The following CBY1 variants were observed in gnomAD, a reference collection of about 807,000 sequenced individuals.
CBY1 encodes the protein chibby 1, beta catenin antagonist.
Under a neutral mutation model 15.6 loss-of-function variants are expected in CBY1, and 10 were observed. The ratio of observed to expected loss-of-function variants is 0.64; its 90% CI spans 0.40 to 1.09. The LOEUF is 1.09. Among genes scored for constraint, CBY1 ranks in the 50% least tolerant of loss-of-function variants. The pLI is 0.01. For synonymous variants in CBY1, 61 were observed against 63.5 expected (o/e 0.96, Z 0.19); for missense variants, 150 against 160.5 (o/e 0.93, Z 0.35).
chr22:38,658,594 G>A (rs998537622), intron 1 of CBY1, among the ~76,000 whole-genome samples: 7 of 152,036 alleles, frequency 4.6e-5, no homozygotes, highest in Admixed American at 3.3e-4. Flanking sequence ...CTGAGTAGCT[G>A]GGACTACGAA....
chr22:38,665,618 C>T (rs563200903), intron 1 of CBY1: 32 of 542,248 alleles, frequency 5.9e-5, no homozygotes, highest in African/African-American at 1.9e-4. Context: ...AGAAACATGA[C>T]GTTGAGTGTG....
At chr22:38,668,326 C>T in intron 2 of CBY1, 194 bp downstream of exon 2, 1 of 530,060 alleles carries the variant, frequency 1.9e-6, no homozygotes, top group Admixed American at 3.5e-5. Context: ...ATCCAAGAAC[C>T]TAAGAAGACA....
intron 1 of CBY1, among the ~76,000 whole-genome samples, chr22:38,667,017 T>TA (rs35907163): frequency 0.29 from 43,486 of 150,502 alleles, 6,298 homozygotes; most frequent in East Asian, 0.35. Flanking sequence ...TTTCTTTATT[T>TA]TTTTTTTTTT....
At chr22:38,671,402 T>C (rs968564015) in intron 4 of CBY1, 16 of 558,802 alleles carry the variant, frequency 2.9e-5, no homozygotes, top group Non-Finnish European at 4.5e-5. Flanking sequence ...AAGGACCCAG[T>C]TGGAGTCTGC....
chr22:38,657,936 T>A (rs550866325), intron 1 of CBY1, among the ~76,000 whole-genome samples: 1 of 152,322 alleles, frequency 6.6e-6, no homozygotes, highest in African/African-American at 2.4e-5. Context: ...TATATTCTCA[T>A]TGTAATAATT....
chr22:38,663,423 C>T (rs569376142), intron 1 of CBY1, among the ~76,000 whole-genome samples: 10 of 151,498 alleles, frequency 6.6e-5, no homozygotes, highest in Non-Finnish European at 8.8e-5. Context: ...AGGCCGGACG[C>T]GGTGGCCCAC....
intron 1 of CBY1, chr22:38,665,746 A>G: frequency 8.2e-7 from 1 of 1,225,204 alleles, no homozygotes; most frequent in Non-Finnish European, 1.0e-6. Flanking sequence ...TTTTAAAAAA[A>G]TGTTTTGAGC....
chr22:38,663,990 C>A (rs1301225137), intron 1 of CBY1, among the ~76,000 whole-genome samples: 1 of 150,812 alleles, frequency 6.6e-6, no homozygotes, highest in African/African-American at 2.4e-5. Context: ...CCACTGCACT[C>A]CAGCCTGGGT....
intron 1 of CBY1, among the ~76,000 whole-genome samples, chr22:38,666,196 TG>T (rs972843799): frequency 7.0e-6 from 1 of 143,472 alleles, no homozygotes; most frequent in Admixed American, 7.1e-5. Context: ...TTATGATTTG[TG>T]GTAGACTTTT....
At chr22:38,666,130 G>A (rs918154181) in intron 1 of CBY1, among the ~76,000 whole-genome samples, 4 of 146,062 alleles carry the variant, frequency 2.7e-5, no homozygotes, top group Admixed American at 6.8e-5. Flanking sequence ...AAACCACCAC[G>A]CCTGGCCCTG....
At chr22:38,658,615 T>C (rs2092412644) in intron 1 of CBY1, among the ~76,000 whole-genome samples, 1 of 151,874 alleles carries the variant, frequency 6.6e-6, no homozygotes, top group East Asian at 1.9e-4. Flanking sequence ...TAGATGGGAC[T>C]ACAGGCTCCT....
chr22:38,659,396 G>A (rs1017778980), intron 1 of CBY1, among the ~76,000 whole-genome samples: 28 of 151,598 alleles, frequency 1.8e-4, no homozygotes, highest in African/African-American at 6.8e-4. Flanking sequence ...TTACAGGCGT[G>A]TGCCACCACA....
chr22:38,673,831 T>A lies in CBY1; in HGVS notation c.*595T>A, dbSNP rs530350272. 1 of 152,514 alleles carries A rather than the reference T, an allele frequency of 6.6e-6. No homozygotes were observed. The highest frequency in any genetic ancestry group is 2.4e-5 in the African/African-American group (1 of 41,570). 9.4% of individuals were successfully genotyped at this position (152,514 alleles called of 1,614,324 possible). ...TTTCCTGTTTGCACTACTACTTTTT[T>A]ATTAAACGATGTTAAATAATCTCTC... On this transcript the variant is annotated 3_prime_UTR_variant, in exon 5 of 5. Coordinates refer to ENST00000216029, the MANE Select transcript of CBY1 (RefSeq NM_015373.4).
chr22:38,657,492 A>G (rs1028740350), intron 1 of CBY1, among the ~76,000 whole-genome samples: 1 of 152,254 alleles, frequency 6.6e-6, no homozygotes, highest in African/African-American at 2.4e-5. Flanking sequence ...ACTAGAAAGA[A>G]GGTTGCCATG....
At chr22:38,657,678 G>T (rs1276692708) in intron 1 of CBY1, among the ~76,000 whole-genome samples, 1 of 152,208 alleles carries the variant, frequency 6.6e-6, no homozygotes, top group Non-Finnish European at 1.5e-5. Flanking sequence ...AATTAGTGCG[G>T]TCATGAGTAA....
At chr22:38,658,846 C>T (rs2092413413) in intron 1 of CBY1, among the ~76,000 whole-genome samples, 2 of 152,246 alleles carry the variant, frequency 1.3e-5, no homozygotes, top group African/African-American at 2.4e-5. Context: ...AACCTGCTTT[C>T]GCAGTGTTAA....
At chr22:38,658,379 C>G (rs1433400420) in intron 1 of CBY1, among the ~76,000 whole-genome samples, 1 of 152,142 alleles carries the variant, frequency 6.6e-6, no homozygotes, top group East Asian at 1.9e-4. Context: ...CCAACTCGGC[C>G]TCCCAAAGTG....
At chr22:38,659,798 C>G (rs2092416643) in intron 1 of CBY1, among the ~76,000 whole-genome samples, 1 of 144,662 alleles carries the variant, frequency 6.9e-6, no homozygotes, top group African/African-American at 2.6e-5. Context: ...GGAGGCGGAG[C>G]TTGCAGTGAG....
rs200870736 is a variant in CBY1 at position 38,668,142 on chromosome 22, G to A, written c.78+10G>A. 325 of 1,540,052 alleles carry A rather than the reference G, an allele frequency of 2.1e-4. No individual in the cohort carries two copies. Among genetic ancestry groups the A allele is most frequent in the Non-Finnish European group, 2.8e-4 (307 of 1,112,704 alleles). On this transcript the variant is annotated intron_variant, in intron 2 of 4. Coordinates refer to ENST00000216029, the MANE Select transcript of CBY1 (RefSeq NM_015373.4). ...CTCCAACCTGCATTCTGTGAGTGTC[G>A]GTACTGGGGTCGGCCGGGTGTGCAG... is the stretch of plus-strand genomic sequence containing the variant.
Sources: gnomAD v4.1 joint callset for allele counts (sites outside exome capture counted in the v4.1 genomes callset) on GRCh38, gnomAD v4.1.1 for gene constraint, MANE v1.5 for transcripts, NCBI Gene and HGNC (gene_info 2026-07-23, HGNC 2026-07-21) for gene names.